The following TAOK3 variants were observed in gnomAD, a reference collection of about 807,000 sequenced individuals.
The protein encoded by TAOK3 is serine/threonine-protein kinase TAO3.
Under a neutral mutation model 120.4 loss-of-function variants are expected in TAOK3, and 40 were observed. The ratio of observed to expected loss-of-function variants is 0.33; its 90% CI spans 0.26 to 0.43. The LOEUF is 0.43. TAOK3 is among the 20% of genes least tolerant of loss of function. The pLI, the probability that TAOK3 is intolerant of heterozygous loss-of-function variation, is 1.00. For missense variants in TAOK3, 821 were observed against 1,112.1 expected (o/e 0.74, Z 3.72); for synonymous variants, 355 against 387.5 (o/e 0.92, Z 0.99).
chr12:118,172,819 CATTA>C (rs1262855489), intron 16 of TAOK3, among the ~76,000 whole-genome samples, 159 bp from the exon 17 acceptor site: 2 of 152,030 alleles, frequency 1.3e-5, no homozygotes, highest in African/African-American at 4.8e-5. Context: ...TTTATTTGCT[CATTA>C]ATTGAGTATT....
intron 1 of TAOK3, among the ~76,000 whole-genome samples, chr12:118,291,163 T>C (rs957026673): frequency 2.6e-5 from 4 of 151,224 alleles, no homozygotes; most frequent in Admixed American, 2.6e-4. Flanking sequence ...GCCGGGTTTT[T>C]ACTTTTTTTT....
intron 11 of TAOK3, among the ~76,000 whole-genome samples, chr12:118,204,618 G>A (rs76148053): frequency 0.033 from 5,049 of 152,270 alleles, 145 homozygotes; most frequent in Non-Finnish European, 0.051. Context: ...AAGGAAGAAA[G>A]TATTATCATT....
intron 20 of TAOK3, 129 bp from the exon 21 acceptor site, chr12:118,151,287 G>GCACACA (rs767980079): frequency 0.01 from 4,851 of 475,902 alleles, 32 homozygotes; most frequent in South Asian, 0.045. Context: ...GTGCGCGCGC[G>GCACACA]CGCACACACA....
At chr12:118,223,355 G>A (rs543259814) in intron 9 of TAOK3, among the ~76,000 whole-genome samples, 1 of 146,770 alleles carries the variant, frequency 6.8e-6, no homozygotes, top group African/African-American at 2.5e-5. Context: ...CACCACGCCT[G>A]GCCATTTTTG....
At chr12:118,172,281 T>C (rs2036040781) in intron 17 of TAOK3, among the ~76,000 whole-genome samples, 176 bp downstream of exon 17, 1 of 152,198 alleles carries the variant, frequency 6.6e-6, no homozygotes, top group African/African-American at 2.4e-5. Flanking sequence ...GGCTTCCTCT[T>C]ATCAATAGTA....
intron 1 of TAOK3, among the ~76,000 whole-genome samples, chr12:118,278,162 T>C (rs1401055902): frequency 6.6e-6 from 1 of 152,192 alleles, no homozygotes; most frequent in Non-Finnish European, 1.5e-5. Context: ...ACATTTACTT[T>C]AGGTTCAGGG....
intron 1 of TAOK3, among the ~76,000 whole-genome samples, chr12:118,368,668 T>C (rs1040331972): frequency 2.7e-5 from 4 of 149,730 alleles, no homozygotes; most frequent in Non-Finnish European, 4.4e-5. Flanking sequence ...TAGCCGGGTG[T>C]GGTGGCGCAC....
At chr12:118,296,681 A>C (rs1482635321) in intron 1 of TAOK3, among the ~76,000 whole-genome samples, 4 of 152,212 alleles carry the variant, frequency 2.6e-5, no homozygotes, top group Non-Finnish European at 5.9e-5. Context: ...TTTAATTGAT[A>C]TATGTGCATT....
chr12:118,348,893 G>C (rs2045006844), intron 1 of TAOK3, among the ~76,000 whole-genome samples: 1 of 148,120 alleles, frequency 6.8e-6, no homozygotes, highest in African/African-American at 2.5e-5. Flanking sequence ...TTGTTGCCCG[G>C]GTCTCACTCT....
intron 1 of TAOK3, among the ~76,000 whole-genome samples, chr12:118,307,230 C>G (rs756911117): frequency 1.3e-5 from 2 of 152,034 alleles, no homozygotes; most frequent in Non-Finnish European, 2.9e-5. Context: ...CTTCCCCCCC[C>G]CATCTCTGGA....
intron 1 of TAOK3, among the ~76,000 whole-genome samples, chr12:118,300,564 A>G (rs1437885504): frequency 2.6e-5 from 4 of 152,012 alleles, no homozygotes; most frequent in Non-Finnish European, 4.4e-5. Context: ...TAATCTCACT[A>G]TAGCGCACAC....
At chr12:118,327,463 C>A (rs904079280) in intron 1 of TAOK3, among the ~76,000 whole-genome samples, 3 of 152,098 alleles carry the variant, frequency 2.0e-5, no homozygotes, top group Non-Finnish European at 4.4e-5. Context: ...GAAAGAAAAA[C>A]ATATATTAAG....
chr12:118,308,429 C>A (rs1436125896), intron 1 of TAOK3, among the ~76,000 whole-genome samples: 1 of 152,090 alleles, frequency 6.6e-6, no homozygotes, highest in Non-Finnish European at 1.5e-5. Context: ...TAAACATTTA[C>A]ATTTGTATAA....
intron 17 of TAOK3, among the ~76,000 whole-genome samples, chr12:118,171,522 AATTTTTGT>A (rs990544096): frequency 2.0e-5 from 3 of 152,054 alleles, no homozygotes; most frequent in African/African-American, 7.2e-5. Context: ...ATGCCCAGGT[AATTTTTGT>A]ATTTTTAGTA....
intron 16 of TAOK3, among the ~76,000 whole-genome samples, chr12:118,172,989 T>C (rs1462866312): frequency 6.6e-6 from 1 of 152,198 alleles, no homozygotes; most frequent in African/African-American, 2.4e-5. Flanking sequence ...AAGGCCATGA[T>C]AACTGCCACC....
chr12:118,179,207 C>T (rs1458283632), intron 15 of TAOK3, among the ~76,000 whole-genome samples: 1 of 152,088 alleles, frequency 6.6e-6, no homozygotes, highest in Non-Finnish European at 1.5e-5. Context: ...CAGAGAGAGA[C>T]AGAGAGACCA....
In TAOK3 at chr12:118,372,693, G is replaced by C. The variant is rs2045938583; in HGVS notation, c.-239C>G. 6.3e-6 allele frequency: 1 copy of C among 157,600 alleles called. No homozygotes were observed. Among genetic ancestry groups the C allele is most frequent in the Non-Finnish European group, 1.4e-5 (1 of 72,100 alleles). The allele number at this position is 157,600 out of a possible 1,614,324, so 9.8% of individuals were successfully genotyped here. On this transcript the variant is annotated 5_prime_UTR_variant, in exon 1 of 21. Transcript: ENST00000392533. This position sits in a 1 kb window ranked among gnomAD's most constrained non-coding sequence, Gnocchi z 4.6. ...CCCCGGGCCCGGCGCCGCCGCCGCC[G>C]CTTCCTCTCCCACACTTGTTCCTGA...
chr12:118,309,196 C>G (rs78427622), intron 1 of TAOK3, among the ~76,000 whole-genome samples: 1 of 148,748 alleles, frequency 6.7e-6, no homozygotes, highest in East Asian at 2.1e-4. Context: ...GGGCGTGGTG[C>G]TGCATGTCTG....
At chr12:118,181,099 C>T (rs917782547) in intron 15 of TAOK3, among the ~76,000 whole-genome samples, 2 of 152,262 alleles carry the variant, frequency 1.3e-5, no homozygotes, top group African/African-American at 4.8e-5. Flanking sequence ...CCTGCCTCGG[C>T]CTCCCAAAGT....
Sources: allele counts gnomAD v4.1 joint callset (sites outside exome capture counted in the v4.1 genomes callset), GRCh38; gene constraint gnomAD v4.1.1; non-coding constraint Gnocchi (gnomAD v3.1); transcripts MANE v1.5; gene names NCBI Gene and HGNC (gene_info 2026-07-23, HGNC 2026-07-21).